TRAPPC9: variants seen among roughly 807,000 people sequenced by gnomAD.
TRAPPC9 encodes the protein IKK2 binding protein.
In TRAPPC9, 83 loss-of-function variants were observed where a neutral mutation model predicts 124.0. That is an observed-to-expected ratio of 0.67 (90% confidence interval 0.56 to 0.80). TRAPPC9 has a LOEUF of 0.80. Ranked by LOEUF, TRAPPC9 falls within the 30% of genes least tolerant of loss-of-function variation. TRAPPC9 has a pLI of 0.00. For missense variants in TRAPPC9, 1,302 were observed against 1,508.3 expected, an observed-to-expected ratio of 0.86 and a Z score of 2.27; for synonymous variants, 638 against 617.5, an observed-to-expected ratio of 1.03 and a Z score of -0.49.
chr8:139,824,337 G>A (rs1825472950), intron 21 of TRAPPC9, among the ~76,000 whole-genome samples: 1 of 152,050 alleles, frequency 6.6e-6, no homozygotes, highest in Admixed American at 6.5e-5. Context: ...AGCTTCGGGG[G>A]CCTGCAGGGA....
At chr8:140,418,647 G>C (rs561680335) in intron 5 of TRAPPC9, among the ~76,000 whole-genome samples, 230 of 152,226 alleles carry the variant, frequency 1.5e-3, no homozygotes, top group African/African-American at 5.5e-3. Flanking sequence ...CTTGAACCTG[G>C]GAGGCAGAGG....
At chr8:139,892,126 C>T (rs376510059) in intron 20 of TRAPPC9, among the ~76,000 whole-genome samples, 9 of 152,240 alleles carry the variant, frequency 5.9e-5, no homozygotes, top group African/African-American at 1.4e-4. Flanking sequence ...CGCAGCACCC[C>T]GAGTCCCGCA....
intron 16 of TRAPPC9, among the ~76,000 whole-genome samples, chr8:140,229,240 G>GTTTTCT (rs1419399751): frequency 1.7e-5 from 2 of 118,798 alleles, no homozygotes; most frequent in East Asian, 2.8e-4. Context: ...AATTCCGTAT[G>GTTTTCT]TTTTCTTTTT....
intron 17 of TRAPPC9, among the ~76,000 whole-genome samples, chr8:140,192,071 T>A (rs2062504856): frequency 6.6e-6 from 1 of 152,350 alleles, no homozygotes; most frequent in South Asian, 2.1e-4. Flanking sequence ...TTCTCTTGTT[T>A]ATAAATGTTA....
chr8:140,268,723 C>A (rs1308433196), intron 15 of TRAPPC9, among the ~76,000 whole-genome samples: 1 of 152,112 alleles, frequency 6.6e-6, no homozygotes, highest in African/African-American at 2.4e-5. Context: ...CATCCTCAGA[C>A]TGACTGGGGA....
chr8:140,242,621 T>C (rs962849846), intron 16 of TRAPPC9, among the ~76,000 whole-genome samples: 1 of 152,230 alleles, frequency 6.6e-6, no homozygotes, highest in African/African-American at 2.4e-5. Context: ...GCTAAAAACA[T>C]TGACATGGAA....
At chr8:139,771,582 G>A (rs1160186366) in intron 21 of TRAPPC9, among the ~76,000 whole-genome samples, 8 of 152,346 alleles carry the variant, frequency 5.3e-5, no homozygotes, top group African/African-American at 1.4e-4. Context: ...TCATGGAAGC[G>A]TAGGACAGTG....
In TRAPPC9 at chr8:139,785,440, G is replaced by C. The variant is rs150866110; in HGVS notation, c.3056-53238C>G. ...TGGCCTGGCAGGGTGGCTCACACCTGTAATCCCAGCACTTTGGGTGGCTGA... is the reference window on the plus strand; with the variant it reads ...TGGCCTGGCAGGGTGGCTCACACCTCTAATCCCAGCACTTTGGGTGGCTGA... On this transcript the variant is annotated intron_variant, in intron 21 of 22. Coordinates refer to ENST00000438773, the MANE Select transcript of TRAPPC9 (RefSeq NM_001160372.4). 2.7e-3 allele frequency among the ~76,000 whole-genome samples: 408 copies of C among 152,236 alleles called. 2 individuals are homozygous for C. Among genetic ancestry groups the C allele is most frequent in the Middle Eastern group, 6.8e-3 (2 of 294 alleles).
At chr8:140,385,421 C>A (rs1468980512) in intron 7 of TRAPPC9, among the ~76,000 whole-genome samples, 1 of 151,846 alleles carries the variant, frequency 6.6e-6, no homozygotes, top group African/African-American at 2.4e-5. Flanking sequence ...AGACCACTAG[C>A]AAGACTAATA....
chr8:140,264,866 A>G (rs2064568577), intron 15 of TRAPPC9, among the ~76,000 whole-genome samples: 1 of 152,138 alleles, frequency 6.6e-6, no homozygotes, highest in Non-Finnish European at 1.5e-5. Context: ...TCCTCCAGAG[A>G]CAGGAGCGTG....
At chr8:140,068,613 G>C (rs909908356) in intron 17 of TRAPPC9, among the ~76,000 whole-genome samples, 3 of 152,198 alleles carry the variant, frequency 2.0e-5, no homozygotes, top group Non-Finnish European at 4.4e-5. Flanking sequence ...CAGGCCGCTA[G>C]TTAAACAAGA....
intron 19 of TRAPPC9, among the ~76,000 whole-genome samples, chr8:139,913,269 G>A (rs916574619): frequency 1.4e-4 from 22 of 152,248 alleles, no homozygotes; most frequent in African/African-American, 5.3e-4. Context: ...AGCACTTGCT[G>A]TGTGCCAAGC....
intron 21 of TRAPPC9, among the ~76,000 whole-genome samples, chr8:139,757,505 C>T (rs1281444374): frequency 6.7e-6 from 1 of 149,486 alleles, no homozygotes; most frequent in East Asian, 2.0e-4. Context: ...GACAGCAGAT[C>T]ACAGGAGGAG....
rs939024076 is a variant in TRAPPC9, at chr8:139,728,288, G to C, written c.*2773C>G. On this transcript the variant is annotated 3_prime_UTR_variant, in exon 23 of 23. Coordinates refer to ENST00000438773, the MANE Select transcript of TRAPPC9 (RefSeq NM_001160372.4). ...GGGTCACCGGGCCTGTCCTGGCCCTGAGGGACCAAGGATCAGAAGGGCAGA... is the reference window on the plus strand; with the variant it reads ...GGGTCACCGGGCCTGTCCTGGCCCTCAGGGACCAAGGATCAGAAGGGCAGA... 1.3e-5 allele frequency among the ~76,000 whole-genome samples: 2 copies of C among 152,168 alleles called. No individual in the cohort carries two copies. Among genetic ancestry groups the C allele is most frequent in the African/African-American group, 4.8e-5 (2 of 41,436 alleles).
chr8:139,858,857 G>A (rs1464123817), intron 21 of TRAPPC9, among the ~76,000 whole-genome samples: 2 of 150,922 alleles, frequency 1.3e-5, no homozygotes, highest in East Asian at 1.9e-4. Context: ...CTCCCCACCC[G>A]CTCTAAACCT....
chr8:140,367,886 G>A (rs2068168585), intron 8 of TRAPPC9, among the ~76,000 whole-genome samples: 1 of 152,124 alleles, frequency 6.6e-6, no homozygotes, highest in Non-Finnish European at 1.5e-5. Flanking sequence ...CCATCTAAAG[G>A]TGTCAATCAT....
At chr8:140,123,048 C>A (rs1485219254) in intron 17 of TRAPPC9, among the ~76,000 whole-genome samples, 2 of 152,224 alleles carry the variant, frequency 1.3e-5, no homozygotes, top group South Asian at 2.1e-4. Context: ...AATCTGACAT[C>A]TCTGTTTGGA....
Position 139,784,470 on chromosome 8 carries a change from G to A in TRAPPC9, c.3056-52268C>T, listed in dbSNP as rs148788476. On this transcript the variant is annotated intron_variant, in intron 21 of 22. Coordinates refer to ENST00000438773, the MANE Select transcript of TRAPPC9 (RefSeq NM_001160372.4). ...GCACCTGTAATCCCGGCCACTCAGGGGGCTGAGGCAGCAGAATGGCCTGAA... is the reference window on the plus strand; with the variant it reads ...GCACCTGTAATCCCGGCCACTCAGGAGGCTGAGGCAGCAGAATGGCCTGAA... Among the ~76,000 whole-genome samples, 939 of 151,760 alleles carry A rather than the reference G, an allele frequency of 6.2e-3. 11 individuals carry two copies. The highest frequency in any genetic ancestry group is 0.021 in the African/African-American group (887 of 41,370).
At chr8:139,821,631 T>G (rs896533393) in intron 21 of TRAPPC9, among the ~76,000 whole-genome samples, 11 of 152,258 alleles carry the variant, frequency 7.2e-5, no homozygotes, top group African/African-American at 2.7e-4. Flanking sequence ...CTTTCTATAC[T>G]GCTTTGCATT....
Sources: allele counts gnomAD v4.1 joint callset (sites outside exome capture counted in the v4.1 genomes callset), GRCh38; gene constraint gnomAD v4.1.1; transcripts MANE v1.5; gene names NCBI Gene and HGNC (gene_info 2026-07-23, HGNC 2026-07-21).